The following SLC27A6 variants were observed in gnomAD, a reference collection of about 807,000 sequenced individuals.
The protein encoded by SLC27A6 is solute carrier family 27 member 6.
A neutral mutation model predicts 63.9 loss-of-function variants in SLC27A6; 74 were observed. The observed-to-expected ratio is 1.16, with a 90% confidence interval of 0.96 to 1.40. SLC27A6 has a LOEUF of 1.40. SLC27A6 is among the 40% of genes most tolerant of loss of function. SLC27A6 has a pLI of 0.00. For missense variants in SLC27A6, 794 were observed against 732.9 expected (o/e 1.08, Z -0.96); for synonymous variants, 287 against 260.8 (o/e 1.10, Z -0.97).
At chr5:128,968,468 A>T (rs1465770893) in intron 1 of SLC27A6, among the ~76,000 whole-genome samples, 1 of 152,036 alleles carries the variant, frequency 6.6e-6, no homozygotes, top group Non-Finnish European at 1.5e-5. Context: ...CTGGTGTGAG[A>T]TGGTATCTCA....
intron 5 of SLC27A6, among the ~76,000 whole-genome samples, chr5:129,017,306 A>G (rs1194266089): frequency 6.6e-6 from 1 of 152,142 alleles, no homozygotes; most frequent in South Asian, 2.1e-4. Context: ...ATAACCTCCT[A>G]TATATTTGGA....
At chr5:128,977,662 A>G (rs1402161994) in intron 1 of SLC27A6, among the ~76,000 whole-genome samples, 6 of 152,202 alleles carry the variant, frequency 3.9e-5, no homozygotes, top group African/African-American at 1.2e-4. Flanking sequence ...TTTGCCCACT[A>G]TAACCAGGCT....
chr5:128,987,092 G>T (rs962816480), intron 2 of SLC27A6, among the ~76,000 whole-genome samples: 2 of 151,980 alleles, frequency 1.3e-5, no homozygotes, highest in African/African-American at 4.8e-5. Flanking sequence ...AAGAACAGAG[G>T]TTTAAAAAGT....
At chr5:128,986,906 G>A (rs144347416) in intron 2 of SLC27A6, among the ~76,000 whole-genome samples, 1 of 152,024 alleles carries the variant, frequency 6.6e-6, no homozygotes, top group Non-Finnish European at 1.5e-5. Context: ...CCCCAGAAAG[G>A]CTCAGAAATT....
At chr5:129,024,877 T>TA (rs1276434620) in intron 6 of SLC27A6, among the ~76,000 whole-genome samples, 1 of 152,044 alleles carries the variant, frequency 6.6e-6, no homozygotes, top group African/African-American at 2.4e-5. Context: ...AAGACTAAAA[T>TA]AAAAAATGCA....
intron 2 of SLC27A6, 81 bp from the exon 3 acceptor site, chr5:128,988,519 T>C: frequency 9.1e-7 from 1 of 1,096,250 alleles, no homozygotes; most frequent in South Asian, 1.6e-5. Context: ...GTTACTTCCT[T>C]TCTAGTTATA....
At chr5:128,972,249 C>T (rs1191789174) in intron 1 of SLC27A6, among the ~76,000 whole-genome samples, 1 of 152,130 alleles carries the variant, frequency 6.6e-6, no homozygotes, top group African/African-American at 2.4e-5. Context: ...CTTGGGGTTG[C>T]TCTTCTTGTG....
rs971735386 is a variant in SLC27A6, at chr5:128,970,983, A to T, written c.481+4365A>T. The stretch of plus-strand genomic sequence containing the variant: ...TCTTTTTTCTCATTGGTTTCAAAGA[A>T]CAGCTTTATTTCTGCCTTCATTTCG... On this transcript the variant is annotated intron_variant, in intron 1 of 9. Coordinates refer to ENST00000262462, the MANE Select transcript of SLC27A6 (RefSeq NM_001017372.3). Among the ~76,000 whole-genome samples, 3 of 152,296 alleles carry T rather than the reference A, an allele frequency of 2.0e-5. No homozygotes were observed. In the East Asian group the frequency reaches 5.8e-4, roughly 29 times the overall value.
chr5:129,028,650 C>T (rs1752321993), intron 8 of SLC27A6, among the ~76,000 whole-genome samples: 1 of 146,794 alleles, frequency 6.8e-6, no homozygotes, highest in Admixed American at 6.9e-5. Context: ...ATTTTAATGC[C>T]TGCGTGTATT....
intron 5 of SLC27A6, among the ~76,000 whole-genome samples, chr5:129,017,470 C>T (rs1330338827): frequency 2.0e-5 from 3 of 151,680 alleles, no homozygotes; most frequent in Admixed American, 6.6e-5. Context: ...GTAACTATCT[C>T]TATAAGTTAA....
chr5:129,029,582 G>A lies in SLC27A6; in HGVS notation c.1558G>A (p.Glu520Lys), dbSNP rs1246791850. 1 of 1,567,148 alleles carries A rather than the reference G, an allele frequency of 6.4e-7. No individual in the cohort carries two copies. Among genetic ancestry groups the A allele is most frequent in the Non-Finnish European group, 8.6e-7 (1 of 1,160,632 alleles). Reference sequence around the variant, plus strand: ...TATTTCAAACTTTTTTTCAGGTTATGAAGGAAGAGCAGGAATGGCTTCTAT... The same window carrying A: ...TATTTCAAACTTTTTTTCAGGTTATAAAGGAAGAGCAGGAATGGCTTCTAT... The part of the protein sequence containing the change: ...NVYGVAISGY[E>K]GRAGMASIIL... The change falls in exon 9 of 10, where the codon GAA becomes AAA. Residue 520 changes from glutamate (E) to lysine (K), a missense_variant. By Grantham distance (56) the Glu-to-Lys change is moderately conservative (BLOSUM62 1). Coordinates refer to ENST00000262462, the MANE Select transcript of SLC27A6 (RefSeq NM_001017372.3).
chr5:129,027,117 T>C lies in SLC27A6; in HGVS notation c.1256-16T>C, dbSNP rs777362377. On this transcript the variant is annotated splice_polypyrimidine_tract_variant and intron_variant, in intron 6 of 9. Transcript: ENST00000262462. ...TTTTAATCAGATGGCTGCAAAAATG[T>C]CGTTCTTTCTTGCAGGAGAACCTGG... is the stretch of plus-strand genomic sequence containing the variant. 6.2e-7 allele frequency: 1 copy of C among 1,605,424 alleles called. No homozygotes were observed. Among genetic ancestry groups the C allele is most frequent in the Non-Finnish European group, 8.5e-7 (1 of 1,173,536 alleles).
chr5:128,997,877 A>G (rs564404341), intron 4 of SLC27A6, among the ~76,000 whole-genome samples: 1 of 152,276 alleles, frequency 6.6e-6, no homozygotes, highest in African/African-American at 2.4e-5. Flanking sequence ...TATATAAAAT[A>G]AGTAACAATA....
intron 2 of SLC27A6, among the ~76,000 whole-genome samples, chr5:128,987,552 C>T (rs1322513792): frequency 2.6e-5 from 4 of 151,638 alleles, no homozygotes; most frequent in Non-Finnish European, 5.9e-5. Context: ...GAGAAATTTT[C>T]AAAAAATTAT....
chr5:128,982,933 A>G (rs1189821799), intron 1 of SLC27A6, among the ~76,000 whole-genome samples: 1 of 152,106 alleles, frequency 6.6e-6, no homozygotes, highest in African/African-American at 2.4e-5. Flanking sequence ...GTTGCCTTCT[A>G]TTTTCATACA....
At chr5:129,002,265 CAAAT>C (rs1312565621) in intron 4 of SLC27A6, among the ~76,000 whole-genome samples, 3 of 152,284 alleles carry the variant, frequency 2.0e-5, no homozygotes, top group Non-Finnish European at 4.4e-5. Context: ...AAGCATCTGA[CAAAT>C]AAAACTGAAA....
At chr5:129,024,113 G>A (rs1041900720) in intron 6 of SLC27A6, among the ~76,000 whole-genome samples, 33 of 151,948 alleles carry the variant, frequency 2.2e-4, no homozygotes, top group African/African-American at 7.7e-4. Context: ...GGATGACTAG[G>A]TCCACTGTAT....
intron 1 of SLC27A6, among the ~76,000 whole-genome samples, chr5:128,969,603 G>T (rs1008667431): frequency 3.3e-5 from 5 of 152,274 alleles, no homozygotes; most frequent in East Asian, 1.9e-4. Context: ...TGTGATTTTT[G>T]CACATTGATT....
At chr5:128,993,538 T>C (rs1436556304) in intron 4 of SLC27A6, among the ~76,000 whole-genome samples, 3 of 152,186 alleles carry the variant, frequency 2.0e-5, no homozygotes, top group African/African-American at 7.2e-5. Context: ...CCTTTAAAAA[T>C]GTCTCTTTTG....
Sources: gnomAD v4.1 joint callset for allele counts (sites outside exome capture counted in the v4.1 genomes callset) on GRCh38, gnomAD v4.1.1 for gene constraint, MANE v1.5 for transcripts, NCBI Gene and HGNC (gene_info 2026-07-23, HGNC 2026-07-21) for gene names.